RBFOX3: variants seen among roughly 807,000 people sequenced by gnomAD.
The protein encoded by RBFOX3 is RNA binding fox-1 homolog 3, also known as RNA binding protein fox-1 homolog 3.
A neutral mutation model predicts 48.7 loss-of-function variants in RBFOX3; 17 were observed. The ratio of observed to expected loss-of-function variants is 0.35; its 90% confidence interval spans 0.24 to 0.52. The LOEUF is 0.52. RBFOX3 is among the 20% of genes least tolerant of loss of function. The pLI is 0.94. For synonymous variants in RBFOX3, 212 were observed against 209.5 expected, an observed-to-expected ratio of 1.01 and a Z score of -0.10; for missense variants, 382 against 497.5, an observed-to-expected ratio of 0.77 and a Z score of 2.21.
chr17:79,342,520 A>T (rs183156963), intron 2 of RBFOX3, among the ~76,000 whole-genome samples: 1 of 152,280 alleles, frequency 6.6e-6, no homozygotes, highest in African/African-American at 2.4e-5. Context: ...GCTACAGGAG[A>T]GCCATGGGAT....
the RBFOX3 span, among the ~76,000 whole-genome samples, chr17:79,658,258 T>G: frequency 1.3e-5 from 2 of 149,600 alleles, no homozygotes; most frequent in East Asian, 2.0e-4. Flanking sequence ...CCCTCCTCCA[T>G]TTCTCCCTCC....
rs1267713537 is a variant in RBFOX3 at position 79,481,135 on chromosome 17, A to G, written c.-175+1319T>C. Among the ~76,000 whole-genome samples the G allele has an allele frequency of 6.6e-6, 1 of 152,218 alleles. No homozygotes were observed. Among genetic ancestry groups the G allele is most frequent in the Admixed American group, 6.5e-5 (1 of 15,288 alleles). Reference sequence around the variant, plus strand: ...GTGCATAGAGACTTCCAATTCTGCAAACTCTGGAAAGAGCATCTTTTGATG... The same window carrying G: ...GTGCATAGAGACTTCCAATTCTGCAGACTCTGGAAAGAGCATCTTTTGATG... On this transcript the variant is annotated intron_variant, in intron 2 of 14. Coordinates refer to ENST00000693108, the MANE Select transcript of RBFOX3 (RefSeq NM_001350451.2). This position sits in a 1 kb window ranked among gnomAD's most constrained non-coding sequence, Gnocchi z 5.4.
intron 4 of RBFOX3, among the ~76,000 whole-genome samples, chr17:79,154,933 G>A (rs2612780): frequency 1.3e-5 from 2 of 151,848 alleles, no homozygotes; most frequent in Non-Finnish European, 2.9e-5. Flanking sequence ...GGGGTCCTGC[G>A]CCTCCCAGGA....
intron 3 of RBFOX3, among the ~76,000 whole-genome samples, chr17:79,304,859 G>A (rs1323790160): frequency 4.6e-5 from 7 of 152,180 alleles, no homozygotes; most frequent in Admixed American, 2.0e-4. Context: ...GCCGTGACAC[G>A]GGTGCCGTGT....
At chr17:79,511,151 G>A (rs1285449648) in intron 1 of RBFOX3, among the ~76,000 whole-genome samples, 11 of 152,288 alleles carry the variant, frequency 7.2e-5, no homozygotes, top group African/African-American at 1.7e-4. Flanking sequence ...GAGGGCTCAC[G>A]GGAGCCTCCA....
chr17:79,167,461 G>A (rs559711105), intron 4 of RBFOX3, among the ~76,000 whole-genome samples: 9 of 151,528 alleles, frequency 5.9e-5, no homozygotes, highest in Non-Finnish European at 1.0e-4. Flanking sequence ...GGGTCCATGG[G>A]ACCTTGGCTC....
upstream of RBFOX3, among the ~76,000 whole-genome samples, chr17:79,615,929 C>T (rs1437349082): frequency 1.3e-5 from 2 of 152,284 alleles, no homozygotes; most frequent in East Asian, 1.9e-4. Context: ...CAGGCTCCTC[C>T]GTCTAAGGGT....
rs548300914 is a variant in RBFOX3, at chr17:79,347,925, T to A, written c.-174-40101A>T. The stretch of plus-strand genomic sequence containing the variant: ...CAGCTCATTCCCTCCAGTGGAAGTC[T>A]GCTACTCTGCCCTGCCCTGTCTGAG... On this transcript the variant is annotated intron_variant, in intron 2 of 14. Transcript: ENST00000693108. Among the ~76,000 whole-genome samples, 507 of 152,358 alleles carry A rather than the reference T, an allele frequency of 3.3e-3. 1 individual carries two copies. The highest frequency in any genetic ancestry group is 5.9e-3 in the Non-Finnish European group (399 of 68,036).
At chr17:79,561,462 G>C (rs1424560434) in intron 1 of RBFOX3, among the ~76,000 whole-genome samples, 2 of 152,166 alleles carry the variant, frequency 1.3e-5, no homozygotes, top group African/African-American at 4.8e-5. Flanking sequence ...AGATGACAGA[G>C]AGCAAGGGTC....
At chr17:79,277,650 C>T (rs1425711342) in intron 3 of RBFOX3, among the ~76,000 whole-genome samples, 1 of 152,314 alleles carries the variant, frequency 6.6e-6, no homozygotes, top group Non-Finnish European at 1.5e-5. Flanking sequence ...TAGCATGTGG[C>T]GTGCTGGGCC....
intron 4 of RBFOX3, among the ~76,000 whole-genome samples, chr17:79,140,507 A>T (rs562770702): frequency 6.6e-6 from 1 of 152,240 alleles, no homozygotes; most frequent in Non-Finnish European, 1.5e-5. Flanking sequence ...CGGCACCCAC[A>T]TTAGCTGTAA....
At chr17:79,381,754 G>A (rs1415454301) in intron 2 of RBFOX3, among the ~76,000 whole-genome samples, 1 of 152,212 alleles carries the variant, frequency 6.6e-6, no homozygotes, top group African/African-American at 2.4e-5. Context: ...GGGCCCCTCA[G>A]CAGCCAGCAG....
intron 3 of RBFOX3, among the ~76,000 whole-genome samples, chr17:79,257,863 G>T (rs2065135129): frequency 6.6e-6 from 1 of 152,044 alleles, no homozygotes; most frequent in Non-Finnish European, 1.5e-5. Flanking sequence ...TTACAGGTGT[G>T]AGCCACCATG....
At chr17:79,470,314 G>A (rs1009896886) in intron 2 of RBFOX3, among the ~76,000 whole-genome samples, 16 of 152,190 alleles carry the variant, frequency 1.1e-4, no homozygotes, top group Non-Finnish European at 1.5e-4. Flanking sequence ...TGTCCACTCT[G>A]CTGGACAGAG....
At chr17:79,576,311 G>T (rs1389825123) in intron 1 of RBFOX3, among the ~76,000 whole-genome samples, 1 of 152,236 alleles carries the variant, frequency 6.6e-6, no homozygotes, top group African/African-American at 2.4e-5. Context: ...AGATGGAGAT[G>T]ATGAAGAAGA....
the RBFOX3 span, among the ~76,000 whole-genome samples, chr17:79,636,141 A>G: frequency 0.011 from 1,650 of 152,238 alleles, 28 homozygotes; most frequent in African/African-American, 0.038. Flanking sequence ...GAAATATACT[A>G]TAGGGTGAGG....
rs934589855 is a variant in RBFOX3 at position 79,218,325 on chromosome 17, C to T, written c.-34+17441G>A. Among the ~76,000 whole-genome samples, 20 of 152,066 alleles carry T rather than the reference C, an allele frequency of 1.3e-4. 1 individual carries two copies. The highest frequency in any genetic ancestry group is 4.8e-4 in the African/African-American group (20 of 41,468). ...ACAGCAGGAGAGGAGGAGGATCCTCCTATGGGGGCCTGGTTCTCTGCCCAG... is the reference window on the plus strand; with the variant it reads ...ACAGCAGGAGAGGAGGAGGATCCTCTTATGGGGGCCTGGTTCTCTGCCCAG... On this transcript the variant is annotated intron_variant, in intron 4 of 14. Transcript: ENST00000693108.
intron 2 of RBFOX3, among the ~76,000 whole-genome samples, chr17:79,446,871 G>T (rs2072424253): frequency 6.6e-6 from 1 of 152,158 alleles, no homozygotes; most frequent in Non-Finnish European, 1.5e-5. Context: ...TAACACCACG[G>T]CTTCAATAAA....
chr17:79,341,502 A>G (rs1030289799), intron 2 of RBFOX3, among the ~76,000 whole-genome samples: 6 of 152,176 alleles, frequency 3.9e-5, no homozygotes, highest in African/African-American at 1.4e-4. Context: ...GGGTCCGGCA[A>G]TTACAGCACA....
Sources: gnomAD v4.1 joint callset for allele counts (sites outside exome capture counted in the v4.1 genomes callset) on GRCh38, gnomAD v4.1.1 for gene constraint, Gnocchi (gnomAD v3.1) non-coding constraint, MANE v1.5 for transcripts, NCBI Gene and HGNC (gene_info 2026-07-23, HGNC 2026-07-21) for gene names.